Variants in CCDC30 observed in about 807,000 individuals in gnomAD.
CCDC30 encodes coiled-coil domain-containing protein 30.
CCDC30 carries 70 observed loss-of-function variants against 100.2 expected under a neutral mutation model. The observed-to-expected ratio is 0.70, with a 90% confidence interval of 0.58 to 0.85. The LOEUF (loss-of-function observed/expected upper bound fraction) is 0.85. Ranked by LOEUF, CCDC30 falls within the 40% of genes least tolerant of loss-of-function variation. The pLI is 0.00. For missense variants in CCDC30, 652 were observed against 771.2 expected, an observed-to-expected ratio of 0.85 and a Z score of 1.83; for synonymous variants, 233 against 269.5, an observed-to-expected ratio of 0.86 and a Z score of 1.33.
At chr1:42,600,757 A>G (rs1646387663) in intron 10 of CCDC30, among the ~76,000 whole-genome samples, 1 of 152,064 alleles carries the variant, frequency 6.6e-6, no homozygotes, top group African/African-American at 2.4e-5. Flanking sequence ...GTCTCATGAT[A>G]GAGTTCTCAC....
intron 6 of CCDC30, among the ~76,000 whole-genome samples, chr1:42,532,047 T>G (rs1359539432): frequency 2.0e-5 from 3 of 151,742 alleles, no homozygotes; most frequent in Non-Finnish European, 4.4e-5. Flanking sequence ...ATCCTAGCAC[T>G]TCGGGAGGCC....
At chr1:42,572,743 A>G (rs1051018504) in intron 7 of CCDC30, among the ~76,000 whole-genome samples, 1 of 152,126 alleles carries the variant, frequency 6.6e-6, no homozygotes, top group Non-Finnish European at 1.5e-5. Flanking sequence ...CGGCCTCCCG[A>G]ATAGCTGGGA....
intron 6 of CCDC30, among the ~76,000 whole-genome samples, chr1:42,562,381 G>T (rs1425158561): frequency 6.6e-6 from 1 of 152,168 alleles, no homozygotes; most frequent in Admixed American, 6.5e-5. Context: ...AGTAAATGGT[G>T]CTGGGAAAAC....
intron 3 of CCDC30, among the ~76,000 whole-genome samples, chr1:42,483,310 T>C (rs1392892189): frequency 6.6e-6 from 1 of 152,232 alleles, no homozygotes; most frequent in Non-Finnish European, 1.5e-5. Flanking sequence ...GACGATTGTG[T>C]TGTCAGTTTT....
chr1:42,536,891 G>A (rs1019037878), intron 6 of CCDC30: 1 of 384,592 alleles, frequency 2.6e-6, no homozygotes, highest in South Asian at 2.9e-5. Context: ...GCAAGCTCTG[G>A]TGTCTCTTCC....
At chr1:42,542,576 C>T (rs1645035395) in intron 6 of CCDC30, among the ~76,000 whole-genome samples, 1 of 90,504 alleles carries the variant, frequency 1.1e-5, no homozygotes, top group Non-Finnish European at 2.3e-5. Context: ...CGGAGTCTCG[C>T]TCTGTCGCCC....
At chr1:42,573,933 A>G (rs1238203802) in intron 7 of CCDC30, among the ~76,000 whole-genome samples, 2 of 152,068 alleles carry the variant, frequency 1.3e-5, no homozygotes, top group Non-Finnish European at 2.9e-5. Flanking sequence ...TTCTAATGTT[A>G]ATCCAATTTT....
downstream of CCDC30, among the ~76,000 whole-genome samples, chr1:42,656,571 C>A (rs11800660): frequency 0.044 from 6,732 of 152,194 alleles, 200 homozygotes; most frequent in African/African-American, 0.074. Flanking sequence ...GTAGAAGTTT[C>A]AGTGAGCTGA....
intron 6 of CCDC30, among the ~76,000 whole-genome samples, chr1:42,511,270 A>G (rs1177600432): frequency 6.6e-6 from 1 of 152,036 alleles, no homozygotes; most frequent in Non-Finnish European, 1.5e-5. Flanking sequence ...CTAGTCCTCC[A>G]CTTGTGATTT....
rs575344934 is a variant in CCDC30 at position 42,567,954 on chromosome 1, G to A, written c.636+1479G>A. 8.2e-3 allele frequency among the ~76,000 whole-genome samples: 1,235 copies of A among 151,328 alleles called. 13 individuals carry two copies. The highest frequency in any genetic ancestry group is 0.027 in the African/African-American group (1,117 of 40,894). ...CATGCAGTAAATTTAAAAAAAAAGA[G>A]AGAGAGAATTTTTTTTGTCTATTTT... On this transcript the variant is annotated intron_variant, in intron 7 of 16. Transcript: ENST00000668663.
At chr1:42,581,221 A>T in intron 8 of CCDC30, 139 bp from the exon 13 acceptor site, 1 of 659,780 alleles carries the variant, frequency 1.5e-6, no homozygotes. Flanking sequence ...TTTTAAAATT[A>T]AATCTAGCTA....
At chr1:42,633,118 A>G (rs1460674100) in intron 11 of CCDC30, among the ~76,000 whole-genome samples, 6 of 152,260 alleles carry the variant, frequency 3.9e-5, no homozygotes, top group African/African-American at 1.2e-4. Context: ...CCAGCTATAC[A>G]TTATTCTTTG....
chr1:42,553,921 T>C (rs987317386), intron 6 of CCDC30, among the ~76,000 whole-genome samples: 22 of 152,188 alleles, frequency 1.4e-4, no homozygotes, highest in Admixed American at 7.9e-4. Flanking sequence ...AGAGGAATTT[T>C]AAAAGGAATA....
intron 6 of CCDC30, among the ~76,000 whole-genome samples, chr1:42,531,508 C>G (rs1644805767): frequency 6.6e-6 from 1 of 152,138 alleles, no homozygotes; most frequent in Non-Finnish European, 1.5e-5. Flanking sequence ...CACCTGTAAT[C>G]CTAGCATTTT....
chr1:42,621,656 C>T (rs1374955080), intron 11 of CCDC30, among the ~76,000 whole-genome samples: 2 of 151,976 alleles, frequency 1.3e-5, no homozygotes, highest in Non-Finnish European at 1.5e-5. Context: ...GGACTACAGG[C>T]GCCTGCCACC....
At chr1:42,541,911 G>GT (rs1645019135) in intron 6 of CCDC30, among the ~76,000 whole-genome samples, 1 of 152,192 alleles carries the variant, frequency 6.6e-6, no homozygotes. Flanking sequence ...GCTGAAATGA[G>GT]TATGATCATG....
chr1:42,468,627 C>G (rs1031223355), intron 1 of CCDC30: 1 of 152,236 alleles, frequency 6.6e-6, no homozygotes, highest in Non-Finnish European at 1.5e-5. Flanking sequence ...GTTCCAACTT[C>G]AATGTGTTTC....
chr1:42,460,415 A>T (rs148469728), upstream of CCDC30: 6 of 984,810 alleles, frequency 6.1e-6, no homozygotes, highest in African/African-American at 8.7e-5. Flanking sequence ...AATGGAAAGG[A>T]TGTTTTGTTT....
chr1:42,636,359 T>C (rs1046674905), intron 11 of CCDC30, among the ~76,000 whole-genome samples: 1 of 152,022 alleles, frequency 6.6e-6, no homozygotes, highest in African/African-American at 2.4e-5. Flanking sequence ...TGAGCCATGA[T>C]TGTACCACTG....
Sources: gnomAD v4.1 joint callset for allele counts (sites outside exome capture counted in the v4.1 genomes callset) on GRCh38, gnomAD v4.1.1 for gene constraint, MANE v1.5 for transcripts, NCBI Gene and HGNC (gene_info 2026-07-23, HGNC 2026-07-21) for gene names.